CABLES1: variants seen among roughly 807,000 people sequenced by gnomAD.
CABLES1 encodes the protein Cdk5 and Abl enzyme substrate 1.
CABLES1 carries 36 observed loss-of-function variants against 57.8 expected under a neutral mutation model. That is an observed-to-expected ratio of 0.62 (90% confidence interval 0.48 to 0.82). The LOEUF is 0.82. Among genes scored for constraint, CABLES1 ranks in the 40% least tolerant of loss-of-function variants. The pLI, the probability that CABLES1 is intolerant of heterozygous loss-of-function variation, is 0.00. For missense variants in CABLES1, 767 were observed against 836.6 expected, an observed-to-expected ratio of 0.92 and a Z score of 1.03; for synonymous variants, 374 against 363.0, an observed-to-expected ratio of 1.03 and a Z score of -0.35.
chr18:23,251,968 T>TC (rs1325211625), intron 7 of CABLES1, among the ~76,000 whole-genome samples: 1 of 151,720 alleles, frequency 6.6e-6, no homozygotes, highest in Admixed American at 6.6e-5. Context: ...CGCCTGTATT[T>TC]CCAGCTACTC....
intron 1 of CABLES1, among the ~76,000 whole-genome samples, chr18:23,175,505 G>A (rs748747149): frequency 6.6e-5 from 10 of 151,852 alleles, no homozygotes; most frequent in Admixed American, 3.9e-4. Context: ...TTTGCATTGC[G>A]TCTTACTTTG....
At chr18:23,237,286 A>G in intron 7 of CABLES1, 41 bp downstream of exon 7, 5 of 1,379,972 alleles carry the variant, frequency 3.6e-6, no homozygotes, top group Non-Finnish European at 5.2e-6. Context: ...CTGCACCGTC[A>G]GTTGCCCCAC....
At chr18:23,202,528 C>T (rs2047332646) in intron 3 of CABLES1, among the ~76,000 whole-genome samples, 1 of 152,200 alleles carries the variant, frequency 6.6e-6, no homozygotes, top group Non-Finnish European at 1.5e-5. Flanking sequence ...ACTGAGAACC[C>T]TACTTGTGTG....
At chr18:23,205,016 G>A (rs1258865362) in intron 3 of CABLES1, among the ~76,000 whole-genome samples, 1 of 152,166 alleles carries the variant, frequency 6.6e-6, no homozygotes, top group Non-Finnish European at 1.5e-5. Context: ...GCCCAGAGGA[G>A]ACATCAGTCC....
chr18:23,196,201 G>C (rs1272597435), intron 3 of CABLES1, among the ~76,000 whole-genome samples: 1 of 152,222 alleles, frequency 6.6e-6, no homozygotes, highest in Non-Finnish European at 1.5e-5. Flanking sequence ...TGGCAGTTTT[G>C]CTGGGGAGTT....
At chr18:23,185,598 T>C (rs1302132449) in intron 1 of CABLES1, among the ~76,000 whole-genome samples, 1 of 152,068 alleles carries the variant, frequency 6.6e-6, no homozygotes, top group Non-Finnish European at 1.5e-5. Context: ...ACCCAGGGCC[T>C]CCCCAGGGCT....
chr18:23,138,958 G>A (rs1187914227), intron 1 of CABLES1, among the ~76,000 whole-genome samples: 1 of 152,136 alleles, frequency 6.6e-6, no homozygotes, highest in East Asian at 1.9e-4. Flanking sequence ...GACTACGTGA[G>A]TCCAGATCTG....
chr18:23,136,552 G>A lies in CABLES1; in HGVS notation c.790G>A (p.Glu264Lys), dbSNP rs1284518931. Residue 264 changes from glutamate to lysine, a missense_variant, in exon 1 of 10, where the codon GAG becomes AAG. By Grantham distance (56) the Glu-to-Lys change is moderately conservative (BLOSUM62 1). Around this residue, in one of 4 missense-constraint regions of CABLES1, gnomAD observed 529 missense variants for 622.8 expected, o/e 0.85. Coordinates refer to ENST00000256925, the MANE Select transcript of CABLES1 (RefSeq NM_001100619.3). ...GACTTCGCAGAACTACTGCTCCCTGGAGCAGCCAGGCCAGGGCGGCAGCAC... is the reference window on the plus strand; with the variant it reads ...GACTTCGCAGAACTACTGCTCCCTGAAGCAGCCAGGCCAGGGCGGCAGCAC... ...RPTSQNYCSL[E>K]QPGQGGSTSA... The A allele has an allele frequency of 6.4e-7, 1 of 1,559,612 alleles. No individual in the cohort carries two copies. The highest frequency in any genetic ancestry group is 2.5e-5 in the East Asian group (1 of 40,184).
At chr18:23,145,079 G>C (rs973590772) in intron 1 of CABLES1, among the ~76,000 whole-genome samples, 1 of 152,050 alleles carries the variant, frequency 6.6e-6, no homozygotes, top group Non-Finnish European at 1.5e-5. Context: ...GGGATTACAG[G>C]TGCCTGCCAC....
intron 1 of CABLES1, among the ~76,000 whole-genome samples, chr18:23,146,450 C>G (rs1226766953): frequency 2.0e-5 from 3 of 152,118 alleles, no homozygotes; most frequent in Non-Finnish European, 4.4e-5. Context: ...AAGTGATCAG[C>G]CTGCCTCAGC....
intron 3 of CABLES1, among the ~76,000 whole-genome samples, chr18:23,212,002 C>T (rs922027163): frequency 1.3e-5 from 2 of 152,234 alleles, no homozygotes; most frequent in Non-Finnish European, 2.9e-5. Context: ...CAGTGACCAG[C>T]GTCCGGGCCC....
At position 23,259,110 on chromosome 18, in the gene CABLES1, T is replaced by C. The variant is rs1342270656; in HGVS notation, c.*1743T>C. On this transcript the variant is annotated 3_prime_UTR_variant, in exon 10 of 10. Transcript: ENST00000256925. The stretch of plus-strand genomic sequence containing the variant: ...TGTTTATAAAGCAAAATTGAGAAAA[T>C]ATTCAAGGTGCCTCCATCGCCTGAA... 3 of 151,976 alleles carry C rather than the reference T, an allele frequency of 2.0e-5. No homozygotes were observed. Among genetic ancestry groups the C allele is most frequent in the African/African-American group, 7.3e-5 (3 of 41,324 alleles). The allele number at this position is 151,976 out of a possible 1,614,324, so 9.4% of individuals were successfully genotyped here.
chr18:23,247,002 T>C (rs2047912570), intron 7 of CABLES1, among the ~76,000 whole-genome samples: 1 of 152,202 alleles, frequency 6.6e-6, no homozygotes, highest in South Asian at 2.1e-4. Flanking sequence ...TTGCAAGTTT[T>C]TATAATTCAT....
At position 23,215,680 on chromosome 18, in the gene CABLES1, G is replaced by A. The variant is rs150222827; in HGVS notation, c.1088+1626G>A. On this transcript the variant is annotated intron_variant, in intron 4 of 9. Coordinates refer to ENST00000256925, the MANE Select transcript of CABLES1 (RefSeq NM_001100619.3). The stretch of plus-strand genomic sequence containing the variant: ...AGGCAGAGAAGGATGGATTGGGTTC[G>A]TGTGCCCCTGAACAGCTTAGCAGGG... Among the ~76,000 whole-genome samples the A allele has an allele frequency of 1.1e-4, 16 of 152,270 alleles. No homozygotes were observed. The East Asian group carries it at 2.5e-3, about 24-fold the overall frequency.
intron 4 of CABLES1, among the ~76,000 whole-genome samples, chr18:23,223,412 T>C (rs1261240528): frequency 1.3e-5 from 2 of 151,902 alleles, no homozygotes; most frequent in South Asian, 2.1e-4. Flanking sequence ...ACCCCGTCTC[T>C]ACTAAAATAC....
chr18:23,216,583 G>T (rs2047443776), intron 4 of CABLES1, among the ~76,000 whole-genome samples: 1 of 152,170 alleles, frequency 6.6e-6, no homozygotes, highest in African/African-American at 2.4e-5. Flanking sequence ...GGGAGATTTA[G>T]AATTTTTATT....
intron 4 of CABLES1, among the ~76,000 whole-genome samples, chr18:23,227,535 A>G (rs2047536888): frequency 6.6e-6 from 1 of 152,172 alleles, no homozygotes; most frequent in Non-Finnish European, 1.5e-5. Flanking sequence ...CTTCTAGACT[A>G]AAAGCTGCTT....
intron 4 of CABLES1, among the ~76,000 whole-genome samples, chr18:23,230,833 A>G (rs1479503894): frequency 1.3e-5 from 2 of 152,172 alleles, no homozygotes; most frequent in African/African-American, 2.4e-5. Context: ...TTTGGGGAAC[A>G]CATGCTGGTT....
At chr18:23,199,488 TCCA>T (rs2047308041) in intron 3 of CABLES1, among the ~76,000 whole-genome samples, 4 of 152,184 alleles carry the variant, frequency 2.6e-5, no homozygotes, top group Non-Finnish European at 5.9e-5. Flanking sequence ...ATGTGCTGTA[TCCA>T]TACAATGGAG....
Sources: gnomAD v4.1 joint callset for allele counts (sites outside exome capture counted in the v4.1 genomes callset) on GRCh38, gnomAD v4.1.1 for gene constraint, gnomAD v4.1.1 regional missense constraint, MANE v1.5 for transcripts, NCBI Gene and HGNC (gene_info 2026-07-23, HGNC 2026-07-21) for gene names.